SMOC2: variants seen among roughly 807,000 people sequenced by gnomAD.
SMOC2 encodes the protein SPARC related modular calcium binding 2.
SMOC2 carries 39 observed loss-of-function variants against 61.4 expected under a neutral mutation model. The ratio of observed to expected loss-of-function variants is 0.64; its 90% CI spans 0.49 to 0.83. The LOEUF is 0.83. SMOC2 is among the 40% of genes least tolerant of loss of function. The pLI is 0.00. For synonymous variants in SMOC2, 247 were observed against 239.9 expected, an observed-to-expected ratio of 1.03 and a Z score of -0.27; for missense variants, 556 against 592.9, an observed-to-expected ratio of 0.94 and a Z score of 0.65.
chr6:168,616,767 C>T (rs930611786), intron 9 of SMOC2, among the ~76,000 whole-genome samples: 1 of 152,150 alleles, frequency 6.6e-6, no homozygotes, highest in Non-Finnish European at 1.5e-5. Flanking sequence ...CATATAATTG[C>T]CATCCCAGAG....
chr6:168,658,888 G>C (rs1787395082), intron 11 of SMOC2, among the ~76,000 whole-genome samples: 1 of 151,654 alleles, frequency 6.6e-6, no homozygotes, highest in Non-Finnish European at 1.5e-5. Flanking sequence ...TGTGTGTGGA[G>C]TATGTGTATG....
At chr6:168,595,268 C>G (rs55901629) in intron 7 of SMOC2, among the ~76,000 whole-genome samples, 28,698 of 109,402 alleles carry the variant, frequency 0.26, 5,569 homozygotes, top group Middle Eastern at 0.4. Flanking sequence ...TCTAGAGGAT[C>G]GCCGAGCTCC....
intron 1 of SMOC2, among the ~76,000 whole-genome samples, chr6:168,460,187 A>G (rs1248312489): frequency 6.6e-6 from 1 of 152,204 alleles, no homozygotes; most frequent in Non-Finnish European, 1.5e-5. Context: ...CTTAAGACCT[A>G]TGTATTTAAA....
At chr6:168,657,488 T>G (rs539828226) in intron 11 of SMOC2, among the ~76,000 whole-genome samples, 1 of 152,338 alleles carries the variant, frequency 6.6e-6, no homozygotes, top group African/African-American at 2.4e-5. Context: ...TGCCCATGTG[T>G]GATTTCCCCC....
chr6:168,594,806 GCTC>G (rs746119677), intron 7 of SMOC2, among the ~76,000 whole-genome samples: 1 of 75,932 alleles, frequency 1.3e-5, no homozygotes, highest in Non-Finnish European at 3.1e-5. Context: ...GGATCGCCGA[GCTC>G]CTCCTCCTTC....
intron 7 of SMOC2, among the ~76,000 whole-genome samples, chr6:168,588,191 T>C (rs2115168756): frequency 6.9e-6 from 1 of 145,772 alleles, no homozygotes; most frequent in South Asian, 2.3e-4. Flanking sequence ...TGGCATGATC[T>C]CGGCTCACTG....
chr6:168,557,235 A>G (rs1784272132), intron 7 of SMOC2, among the ~76,000 whole-genome samples: 1 of 152,168 alleles, frequency 6.6e-6, no homozygotes, highest in African/African-American at 2.4e-5. Context: ...TAAGTTATTA[A>G]TTTTTGGTCA....
chr6:168,460,958 CAG>C (rs1554281313), intron 1 of SMOC2, among the ~76,000 whole-genome samples: 1 of 152,212 alleles, frequency 6.6e-6, no homozygotes, highest in South Asian at 2.1e-4. Flanking sequence ...GCTCTAAACA[CAG>C]AGGTTCTTCC....
intron 1 of SMOC2, among the ~76,000 whole-genome samples, chr6:168,485,321 G>C (rs1416538898): frequency 6.6e-6 from 1 of 152,010 alleles, no homozygotes; most frequent in Non-Finnish European, 1.5e-5. Flanking sequence ...TCCTTTCCTA[G>C]GTGTATACCA....
intron 2 of SMOC2, among the ~76,000 whole-genome samples, chr6:168,517,363 A>G (rs1783167282): frequency 6.6e-6 from 1 of 152,192 alleles, no homozygotes; most frequent in South Asian, 2.1e-4. Context: ...AAGCCGCCTC[A>G]CGCCTGCTCC....
intron 2 of SMOC2, among the ~76,000 whole-genome samples, chr6:168,518,896 TGTGC>T (rs1196746073): frequency 1.8e-4 from 27 of 151,892 alleles, no homozygotes; most frequent in African/African-American, 6.3e-4. Context: ...CATGCGTGTG[TGTGC>T]GTGCATGTGT....
chr6:168,509,823 G>A, intron 1 of SMOC2, 92 bp from the exon 2 acceptor site: 1 of 1,308,874 alleles, frequency 7.6e-7, no homozygotes, highest in Non-Finnish European at 1.0e-6. Flanking sequence ...TTCATTCCCT[G>A]ACCGTGAAGT....
chr6:168,556,319 A>C (rs545178794), intron 7 of SMOC2, among the ~76,000 whole-genome samples: 1 of 152,138 alleles, frequency 6.6e-6, no homozygotes, highest in Non-Finnish European at 1.5e-5. Context: ...CTTGTTGCCC[A>C]CATGGGGTGC....
chr6:168,619,601 C>G (rs12524737), intron 9 of SMOC2, among the ~76,000 whole-genome samples: 3,741 of 152,252 alleles, frequency 0.025, 286 homozygotes, highest in Admixed American at 0.16. Flanking sequence ...GTTTAGACTT[C>G]CCTCCTATCT....
intron 12 of SMOC2, chr6:168,664,382 A>ATTTTTTTTTT (rs1562413940): frequency 6.6e-6 from 2 of 300,958 alleles, no homozygotes; most frequent in African/African-American, 8.7e-5. Context: ...TGTTTGGTAG[A>ATTTTTTTTTT]TCTTTTTTTT....
At chr6:168,457,621 G>A (rs954651637) in intron 1 of SMOC2, among the ~76,000 whole-genome samples, 6 of 152,142 alleles carry the variant, frequency 3.9e-5, no homozygotes, top group East Asian at 1.9e-4. Flanking sequence ...GATCACTGCC[G>A]GGGTGGGAGC....
chr6:168,514,971 G>A (rs1783097357), intron 2 of SMOC2, among the ~76,000 whole-genome samples: 1 of 152,148 alleles, frequency 6.6e-6, no homozygotes, highest in African/African-American at 2.4e-5. Flanking sequence ...TGTGACTTCG[G>A]ATCTTTGCCG....
At chr6:168,495,570 C>T (rs942283360) in intron 1 of SMOC2, among the ~76,000 whole-genome samples, 1 of 152,174 alleles carries the variant, frequency 6.6e-6, no homozygotes, top group Non-Finnish European at 1.5e-5. Context: ...CCCTGAAGTT[C>T]GCAATGCCCG....
chr6:168,547,013 C>A, intron 5 of SMOC2, 106 bp from the exon 6 acceptor site: 3 of 1,356,148 alleles, frequency 2.2e-6, no homozygotes, highest in East Asian at 2.3e-5. Flanking sequence ...TGTGGTTGAT[C>A]TGTGGGGACT....
Sources: gnomAD v4.1 joint callset for allele counts (sites outside exome capture counted in the v4.1 genomes callset) on GRCh38, gnomAD v4.1.1 for gene constraint, MANE v1.5 for transcripts, NCBI Gene and HGNC (gene_info 2026-07-23, HGNC 2026-07-21) for gene names.